Variants in SPTB observed in about 807,000 individuals in gnomAD.
The protein encoded by SPTB is spectrin beta, erythrocytic, also known as spectrin beta chain, erythrocytic.
Under a neutral mutation model 256.2 loss-of-function variants are expected in SPTB, and 45 were observed. That is an observed-to-expected ratio of 0.18 (90% confidence interval 0.14 to 0.23). SPTB has a LOEUF of 0.23. Among genes scored for constraint, SPTB ranks in the 10% least tolerant of loss-of-function variants. The pLI, the probability that SPTB is intolerant of heterozygous loss-of-function variation, is 1.00. For missense variants in SPTB, 2,715 were observed against 3,040.4 expected (o/e 0.89, Z 2.52); for synonymous variants, 1,231 against 1,243.1 (o/e 0.99, Z 0.21).
intron 1 of SPTB, among the ~76,000 whole-genome samples, chr14:64,863,492 T>C (rs1404177102): frequency 6.6e-6 from 1 of 152,208 alleles, no homozygotes; most frequent in Non-Finnish European, 1.5e-5. Flanking sequence ...CTTTGTGTCA[T>C]GCTACAAACC....
At chr14:64,804,361 C>T (rs2082943536) in intron 3 of SPTB, among the ~76,000 whole-genome samples, 1 of 152,216 alleles carries the variant, frequency 6.6e-6, no homozygotes. Flanking sequence ...AGAATAACTT[C>T]ATCAGGTACA....
chr14:64,867,688 T>A (rs894171835), intron 1 of SPTB, among the ~76,000 whole-genome samples: 2 of 151,842 alleles, frequency 1.3e-5, no homozygotes, highest in African/African-American at 4.8e-5. Flanking sequence ...ACCCCGTCTC[T>A]ACTAAAAATA....
rs1050925639 is a variant in SPTB at position 64,823,898 on chromosome 14, G to T, written c.-51-753C>A. On this transcript the variant is annotated intron_variant, in intron 1 of 35. Coordinates refer to ENST00000644917, the MANE Select transcript of SPTB (RefSeq NM_001355436.2). This position sits in a 1 kb window ranked among gnomAD's most constrained non-coding sequence, Gnocchi z 6.5. ...TCCCATCAAGCACGTGGCAGTCGGG[G>T]CATCCCATGGACAATGGAACCGTGC... Among the ~76,000 whole-genome samples the T allele has an allele frequency of 2.0e-5, 3 of 152,218 alleles. No homozygotes were observed. The highest frequency in any genetic ancestry group is 2.4e-5 in the African/African-American group (1 of 41,452).
chr14:64,837,677 C>G (rs184356429), intron 1 of SPTB, among the ~76,000 whole-genome samples: 152 of 152,340 alleles, frequency 1.0e-3, no homozygotes, highest in Admixed American at 2.4e-3. Context: ...TCTCAGCTCA[C>G]TGCAACCTCT....
In SPTB at chr14:64,841,110, T is replaced by C. The variant is rs1407088480; in HGVS notation, c.-51-17965A>G. Among the ~76,000 whole-genome samples, 4 of 152,338 alleles carry C rather than the reference T, an allele frequency of 2.6e-5. No homozygotes were observed. Among genetic ancestry groups the C allele is most frequent in the Non-Finnish European group, 4.4e-5 (3 of 68,034 alleles). On this transcript the variant is annotated intron_variant, in intron 1 of 35. Coordinates refer to ENST00000644917, the MANE Select transcript of SPTB (RefSeq NM_001355436.2). This position sits in a 1 kb window ranked among gnomAD's most constrained non-coding sequence, Gnocchi z 4.6. ...TTGAGAGTTTACCTTGTGCCTGGCA[T>C]TGGATTTTGTAAACCCCATTACATT...
At position 64,837,083 on chromosome 14, in the gene SPTB, T is replaced by C. The variant is rs79495998; in HGVS notation, c.-51-13938A>G. Among the ~76,000 whole-genome samples, 621 of 152,302 alleles carry C rather than the reference T, an allele frequency of 4.1e-3. 2 individuals carry two copies. Among genetic ancestry groups the C allele is most frequent in the Non-Finnish European group, 5.3e-3 (360 of 68,026 alleles). On this transcript the variant is annotated intron_variant, in intron 1 of 35. Coordinates refer to ENST00000644917, the MANE Select transcript of SPTB (RefSeq NM_001355436.2). The stretch of plus-strand genomic sequence containing the variant: ...CCTGAAAGATGCAAACTTCTCAATG[T>C]ACAACTTGTGCTAAGAGGCAGACCC...
intron 7 of SPTB, 25 bp downstream of exon 7, chr14:64,801,260 G>A (rs1297558842): frequency 1.9e-6 from 3 of 1,580,090 alleles, no homozygotes; most frequent in South Asian, 1.1e-5. Flanking sequence ...TGCAGCAAAG[G>A]CTGGCAGGGG....
chr14:64,864,598 C>T lies in SPTB; in HGVS notation c.-52+15194G>A, dbSNP rs559277816. Among the ~76,000 whole-genome samples, 23 of 152,296 alleles carry T rather than the reference C, an allele frequency of 1.5e-4. 1 individual carries two copies. Among genetic ancestry groups the T allele is most frequent in the African/African-American group, 5.3e-4 (22 of 41,552 alleles). On this transcript the variant is annotated intron_variant, in intron 1 of 35. Coordinates refer to ENST00000644917, the MANE Select transcript of SPTB (RefSeq NM_001355436.2). ...ACACATAGATACATATATATACCTA[C>T]ACAAACACATATCTGTATCTATGTG...
chr14:64,868,739 G>T (rs991306551), intron 1 of SPTB, among the ~76,000 whole-genome samples: 1 of 152,166 alleles, frequency 6.6e-6, no homozygotes, highest in African/African-American at 2.4e-5. Context: ...GGAAACCTCG[G>T]GTATGGAAGG....
At chr14:64,766,866 C>A in intron 31 of SPTB, 65 bp from the exon 32 acceptor site, 2 of 1,583,502 alleles carry the variant, frequency 1.3e-6, no homozygotes, top group Non-Finnish European at 8.6e-7. Context: ...TCCTGCGAGG[C>A]CTGGCTTTTC....
intron 2 of SPTB, among the ~76,000 whole-genome samples, chr14:64,819,626 C>T (rs1348827736): frequency 6.6e-6 from 1 of 152,138 alleles, no homozygotes; most frequent in East Asian, 1.9e-4. Flanking sequence ...GCTCCAAGCA[C>T]AAACATTAGC....
At position 64,873,519 on chromosome 14, in the gene SPTB, G is replaced by T. The variant is rs890164067; in HGVS notation, c.-52+6273C>A. 6.6e-6 allele frequency among the ~76,000 whole-genome samples: 1 copy of T among 152,262 alleles called. No individual in the cohort carries two copies. The highest frequency in any genetic ancestry group is 1.9e-4 in the East Asian group (1 of 5,180). On this transcript the variant is annotated intron_variant, in intron 1 of 35. Transcript: ENST00000644917. The surrounding 1 kb of genome is among the most constrained non-coding windows in gnomAD (Gnocchi z 4.3). ...GCAGATGAACCCTTCATTTATCTAT[G>T]GCATGCTACTGAGAATCCATTAATT...
intron 2 of SPTB, among the ~76,000 whole-genome samples, chr14:64,822,239 C>T (rs908822209): frequency 7.2e-6 from 1 of 139,564 alleles, no homozygotes; most frequent in African/African-American, 2.9e-5. Flanking sequence ...TTCAGGGAGG[C>T]AATAGTCACA....
At position 64,807,376 on chromosome 14, in the gene SPTB, T is replaced by A. The variant is rs1403560254; in HGVS notation, c.149-2286A>T. ...ATGGATTAATTCTAGGCCACTGGGCTGGTGCATTTATTGGTGCAGAAATAT... is the reference window on the plus strand; with the variant it reads ...ATGGATTAATTCTAGGCCACTGGGCAGGTGCATTTATTGGTGCAGAAATAT... On this transcript the variant is annotated intron_variant, in intron 2 of 35. Coordinates refer to ENST00000644917, the MANE Select transcript of SPTB (RefSeq NM_001355436.2). This position sits in a 1 kb window ranked among gnomAD's most constrained non-coding sequence, Gnocchi z 4.7. Among the ~76,000 whole-genome samples the A allele has an allele frequency of 6.6e-6, 1 of 152,350 alleles. No homozygotes were observed. Among genetic ancestry groups the A allele is most frequent in the East Asian group, 1.9e-4 (1 of 5,184 alleles).
Position 64,778,252 on chromosome 14 carries a change from C to T in SPTB, c.4563+905G>A, listed in dbSNP as rs1034069054. 4.6e-5 allele frequency among the ~76,000 whole-genome samples: 7 copies of T among 152,212 alleles called. No homozygotes were observed. In the East Asian group the frequency reaches 1.3e-3, roughly 29 times the overall value. On this transcript the variant is annotated intron_variant, in intron 22 of 35. Coordinates refer to ENST00000644917, the MANE Select transcript of SPTB (RefSeq NM_001355436.2). The surrounding 1 kb of genome is among the most constrained non-coding windows in gnomAD (Gnocchi z 5.2). ...GCACTGCTGCTGGGCTCACATGGTC[C>T]TGTGAGCAGATGTCAGCTGCTGCCA...
chr14:64,860,991 C>T (rs564971038), intron 1 of SPTB, among the ~76,000 whole-genome samples: 1 of 152,288 alleles, frequency 6.6e-6, no homozygotes, highest in South Asian at 2.1e-4. Context: ...AAATGTGGTA[C>T]ATATACACCA....
chr14:64,854,574 G>A (rs1034671679), intron 1 of SPTB, among the ~76,000 whole-genome samples: 19 of 151,932 alleles, frequency 1.3e-4, no homozygotes, highest in South Asian at 2.1e-4. Flanking sequence ...CACCGCGCCC[G>A]GCCAGTTTTC....
At position 64,804,561 on chromosome 14, in the gene SPTB, G is replaced by C. The variant is rs544988248; in HGVS notation, c.300+378C>G. Among the ~76,000 whole-genome samples the C allele has an allele frequency of 1.4e-3, 213 of 152,234 alleles. 1 individual carries two copies. The highest frequency in any genetic ancestry group is 4.9e-3 in the African/African-American group (202 of 41,552). On this transcript the variant is annotated intron_variant, in intron 3 of 35. Coordinates refer to ENST00000644917, the MANE Select transcript of SPTB (RefSeq NM_001355436.2). ...CCTCTAATAAATTTCCACTTGCAAG[G>C]GTGGTAAAACACACAGTAAAATGGC... is the stretch of plus-strand genomic sequence containing the variant.
Position 64,810,523 on chromosome 14 carries a change from T to C in SPTB, c.149-5433A>G, listed in dbSNP as rs377506025. Among the ~76,000 whole-genome samples the C allele has an allele frequency of 1.4e-4, 21 of 152,114 alleles. No homozygotes were observed. In the South Asian group the frequency reaches 3.9e-3, roughly 29 times the overall value. On this transcript the variant is annotated intron_variant, in intron 2 of 35. Transcript: ENST00000644917. ...GATGAAACGCCGTCTCTACTAAAAA[T>C]ATAAAAATTAGCCGGGCATGGTGTT... is the stretch of plus-strand genomic sequence containing the variant.
Sources: allele counts gnomAD v4.1 joint callset (sites outside exome capture counted in the v4.1 genomes callset), GRCh38; gene constraint gnomAD v4.1.1; non-coding constraint Gnocchi (gnomAD v3.1); transcripts MANE v1.5; gene names NCBI Gene and HGNC (gene_info 2026-07-23, HGNC 2026-07-21).